The following INSL6 variants were observed in gnomAD, a reference collection of about 807,000 sequenced individuals.
INSL6 encodes the protein insulin-like peptide INSL6.
Under a neutral mutation model 9.4 loss-of-function variants are expected in INSL6, and 16 were observed. That is an observed-to-expected ratio of 1.70 (90% CI 1.15 to 2.59). The LOEUF is 2.59. INSL6 is among the 30% of genes most tolerant of loss of function. The pLI is 0.00. For synonymous variants in INSL6, 154 were observed against 96.9 expected (o/e 1.59, Z -3.46); for missense variants, 391 against 257.3 (o/e 1.52, Z -3.56).
chr9:5,017,277 C>T, the INSL6 span, among the ~76,000 whole-genome samples: 1 of 152,086 alleles, frequency 6.6e-6, no homozygotes, highest in Non-Finnish European at 1.5e-5. Flanking sequence ...AGATACATTT[C>T]AGCAGGAAAA....
the INSL6 span, among the ~76,000 whole-genome samples, chr9:5,064,016 C>T: frequency 7.2e-5 from 11 of 151,968 alleles, no homozygotes; most frequent in South Asian, 6.2e-4. Flanking sequence ...ATTAGCCGGG[C>T]GTCTTGGCGT....
At chr9:5,158,995 CAAAGTT>C (rs530480982), downstream of INSL6, among the ~76,000 whole-genome samples, 423 of 152,034 alleles carry the variant, frequency 2.8e-3, 2 homozygotes, top group African/African-American at 9.2e-3. Context: ...AATGAGGAGA[CAAAGTT>C]AAAGTGTAGA....
At chr9:5,019,098 C>G in the INSL6 span, among the ~76,000 whole-genome samples, 15 of 152,218 alleles carry the variant, frequency 9.9e-5, no homozygotes, top group African/African-American at 3.4e-4. Flanking sequence ...GTCTAAATCT[C>G]TTGATATACT....
downstream of INSL6, among the ~76,000 whole-genome samples, chr9:5,161,565 T>C (rs562147038): frequency 6.6e-6 from 1 of 152,252 alleles, no homozygotes; most frequent in South Asian, 2.1e-4. Context: ...TTATTCAACA[T>C]AGTACTGGAG....
chr9:5,065,287 G>T, the INSL6 span, among the ~76,000 whole-genome samples: 1 of 152,074 alleles, frequency 6.6e-6, no homozygotes, highest in East Asian at 1.9e-4. Context: ...ATGCCTATGT[G>T]TGATTCACTC....
At chr9:5,074,728 C>T in the INSL6 span, among the ~76,000 whole-genome samples, 1 of 152,166 alleles carries the variant, frequency 6.6e-6, no homozygotes, top group African/African-American at 2.4e-5. Flanking sequence ...AAGGAAGATT[C>T]ACCCGTCTCT....
intron 1 of INSL6, among the ~76,000 whole-genome samples, chr9:5,166,296 T>C (rs1018570546): frequency 4.3e-5 from 6 of 139,748 alleles, no homozygotes; most frequent in African/African-American, 1.5e-4. Flanking sequence ...ACCTTGTTTG[T>C]TTTTATAATA....
intron 3 of INSL6, among the ~76,000 whole-genome samples, chr9:5,125,021 T>G (rs1377321545): frequency 6.6e-6 from 1 of 151,472 alleles, no homozygotes; most frequent in Non-Finnish European, 1.5e-5. Flanking sequence ...TAATTCATTC[T>G]AGGAATTATT....
the INSL6 span, among the ~76,000 whole-genome samples, chr9:4,998,071 A>C: frequency 6.6e-6 from 1 of 152,172 alleles, no homozygotes; most frequent in Non-Finnish European, 1.5e-5. Context: ...GATTTTTTTG[A>C]ATATCAATAG....
the INSL6 span, among the ~76,000 whole-genome samples, chr9:5,068,716 T>A: frequency 1.3e-5 from 2 of 152,232 alleles, no homozygotes; most frequent in African/African-American, 4.8e-5. Flanking sequence ...ATATGCTACA[T>A]TTGTTTTAGG....
the INSL6 span, among the ~76,000 whole-genome samples, chr9:5,118,047 A>T: frequency 2.0e-5 from 3 of 152,330 alleles, no homozygotes; most frequent in East Asian, 3.8e-4. Context: ...TGACATTTAA[A>T]TAACAGCTAT....
chr9:5,129,395 A>G (rs11788164), intron 3 of INSL6, among the ~76,000 whole-genome samples: 56,398 of 151,878 alleles, frequency 0.37, 11,537 homozygotes, highest in African/African-American at 0.56. Flanking sequence ...AATGCTTCCT[A>G]CAACTGCTGT....
the INSL6 span, chr9:5,072,683 A>C: frequency 2.3e-6 from 3 of 1,333,112 alleles, no homozygotes; most frequent in Non-Finnish European, 3.0e-6. Flanking sequence ...ATGTGCTCTC[A>C]TATGCATACA....
the INSL6 span, chr9:5,113,439 A>C: frequency 6.7e-6 from 1 of 149,704 alleles, no homozygotes; most frequent in Non-Finnish European, 1.5e-5. Context: ...AAAAAAAAAA[A>C]AAAAAAAAAA....
chr9:5,085,666 G>C, the INSL6 span: 1 of 725,972 alleles, frequency 1.4e-6, no homozygotes, highest in African/African-American at 1.7e-5. Context: ...TTTCCTTTTC[G>C]AGAACGTGCA....
chr9:5,091,899 C>G, the INSL6 span, among the ~76,000 whole-genome samples: 1 of 152,000 alleles, frequency 6.6e-6, no homozygotes, highest in South Asian at 2.1e-4. Flanking sequence ...GTGGTTACAC[C>G]TAGGGCTGTG....
chr9:5,076,326 T>G, the INSL6 span, among the ~76,000 whole-genome samples: 2 of 152,284 alleles, frequency 1.3e-5, no homozygotes, highest in Non-Finnish European at 2.9e-5. Context: ...GAGAAATCTT[T>G]CATGAAAGGA....
intron 1 of INSL6, among the ~76,000 whole-genome samples, chr9:5,169,849 C>G (rs1825139291): frequency 6.6e-6 from 1 of 152,188 alleles, no homozygotes; most frequent in African/African-American, 2.4e-5. Context: ...AATACAGGAG[C>G]ACCCAGATTC....
At chr9:5,097,618 G>C in the INSL6 span, 1 of 149,054 alleles carries the variant, frequency 6.7e-6, no homozygotes, top group Admixed American at 6.6e-5. Flanking sequence ...TGGCATCAAG[G>C]TCTTTAGCTG....
Sources: gnomAD v4.1 joint callset for allele counts (sites outside exome capture counted in the v4.1 genomes callset) on GRCh38, gnomAD v4.1.1 for gene constraint, MANE v1.5 for transcripts, NCBI Gene and HGNC (gene_info 2026-07-23, HGNC 2026-07-21) for gene names.